The following HPX variants were observed in gnomAD, a reference collection of about 807,000 sequenced individuals.
The protein encoded by HPX is beta-1B-glycoprotein.
In HPX, 42 loss-of-function variants were observed where a neutral mutation model predicts 53.8. That is an observed-to-expected ratio of 0.78 (90% CI 0.61 to 1.01). The LOEUF (loss-of-function observed/expected upper bound fraction) is 1.01. Among genes scored for constraint, HPX ranks in the 50% least tolerant of loss-of-function variants. The pLI is 0.00. For missense variants in HPX, 547 were observed against 594.3 expected (o/e 0.92, Z 0.83); for synonymous variants, 229 against 221.1 (o/e 1.04, Z -0.32).
At chr11:6,435,111 A>C (rs1314631119) in intron 7 of HPX, among the ~76,000 whole-genome samples, 2 of 151,994 alleles carry the variant, frequency 1.3e-5, no homozygotes, top group East Asian at 1.9e-4. Flanking sequence ...TGTAACCCAA[A>C]AAAAAATACA....
At chr11:6,440,387 G>T (rs551457863) in intron 3 of HPX, 80 bp downstream of exon 3, 3 of 1,594,722 alleles carry the variant, frequency 1.9e-6, no homozygotes, top group Middle Eastern at 1.7e-4. Flanking sequence ...TAATTCCTAA[G>T]ACCTCCCACA....
At chr11:6,439,294 G>C (rs1849455734) in intron 4 of HPX, among the ~76,000 whole-genome samples, 1 of 152,164 alleles carries the variant, frequency 6.6e-6, no homozygotes, top group Non-Finnish European at 1.5e-5. Context: ...AGATAACCAA[G>C]GCCCAGATCA....
rs140581543 is a variant in HPX, at chr11:6,440,262, T to A, written c.239A>T (p.Lys80Ile). 10 of 1,613,776 alleles carry A rather than the reference T, an allele frequency of 6.2e-6. No homozygotes were observed. In the African/African-American group the frequency reaches 1.3e-4, roughly 22 times the overall value. Residue 80 changes from lysine (K) to isoleucine (I), a missense_variant, in exon 4 of 10, where the codon AAA becomes ATA. Coordinates refer to ENST00000265983, the MANE Select transcript of HPX (RefSeq NM_000613.3). ...CTCTGAGATTAACTCCCGGTCCCAT[T>A]TGTGACTCTTCCACACAAACTCCCC... ...FKGEFVWKSH[K>I]WDRELISERW... is the part of the protein sequence containing the mutation.
chr11:6,434,054 T>C (rs566790651), intron 7 of HPX, among the ~76,000 whole-genome samples: 1 of 152,352 alleles, frequency 6.6e-6, no homozygotes, highest in South Asian at 2.1e-4. Context: ...TCTTTCTTCC[T>C]TTCTCTTTCT....
intron 4 of HPX, chr11:6,439,881 G>T: frequency 2.3e-6 from 1 of 441,826 alleles, no homozygotes; most frequent in Non-Finnish European, 4.2e-6. Context: ...TGGAAGGCAA[G>T]GGAAGCAATT....
chr11:6,434,006 AT>A (rs1849383221), intron 7 of HPX, among the ~76,000 whole-genome samples: 1 of 152,222 alleles, frequency 6.6e-6, no homozygotes, highest in East Asian at 1.9e-4. Context: ...ATCCTGTCTT[AT>A]TTTCTTTACA....
At position 6,440,513 on chromosome 11, in the gene HPX, A is replaced by G. The variant is rs1849468006; in HGVS notation, c.168T>C (p.Phe56=). ...CATTGTCATCCAGGGTGGTAGCATC[A>G]AAGCTCCAGCCATCTGAGCAGCGTT... The part of the protein sequence containing the change: ...VTERCSDGWS[F]DATTLDDNGT... The change falls in exon 3 of 10, where the codon TTT becomes TTC. Residue 56 remains phenylalanine (F), a synonymous_variant. Transcript: ENST00000265983. 6.3e-7 allele frequency: 1 copy of G among 1,593,164 alleles called. No homozygotes were observed. Among genetic ancestry groups the G allele is most frequent in the Non-Finnish European group, 8.5e-7 (1 of 1,170,654 alleles).
At chr11:6,440,046 A>G (rs766798042) in intron 4 of HPX, 119 bp downstream of exon 4, 1 of 1,328,010 alleles carries the variant, frequency 7.5e-7, no homozygotes, top group South Asian at 1.2e-5. Context: ...AGGAGGGCAC[A>G]TGGGAAAGAA....
chr11:6,438,859 C>T (rs1849450841), intron 4 of HPX, among the ~76,000 whole-genome samples: 2 of 151,546 alleles, frequency 1.3e-5, no homozygotes, highest in African/African-American at 4.9e-5. Context: ...TTTATTCATT[C>T]ATTCATTCAT....
rs867698967 is a variant in HPX at position 6,440,592 on chromosome 11, A to G, written c.143-54T>C. ...TAAAAAAAAAAAAAAAAAAAAAAAA[A>G]AAAAAAAAAAACCAGAAGGTGATAA... On this transcript the variant is annotated intron_variant, in intron 2 of 9. Coordinates refer to ENST00000265983, the MANE Select transcript of HPX (RefSeq NM_000613.3). The G allele has an allele frequency of 5.7e-3, 6,675 of 1,163,712 alleles. 329 individuals are homozygous for G. The African/African-American group carries it at 0.11, about 19-fold the overall frequency. 72.1% of individuals were successfully genotyped at this position (1,163,712 alleles called of 1,614,324 possible). A position where few individuals can be genotyped will look rare whatever the true frequency, so the allele number is the denominator to read the frequency against.
chr11:6,436,828 T>A (rs1162009565), intron 7 of HPX, among the ~76,000 whole-genome samples: 1 of 152,060 alleles, frequency 6.6e-6, no homozygotes, highest in Non-Finnish European at 1.5e-5. Flanking sequence ...TGGGAGTAGA[T>A]GGTAGACAGG....
intron 7 of HPX, among the ~76,000 whole-genome samples, chr11:6,435,508 A>G (rs1021271682): frequency 5.9e-5 from 9 of 151,908 alleles, no homozygotes; most frequent in African/African-American, 2.2e-4. Flanking sequence ...TCTGTCACCC[A>G]GGCTGGAGTG....
chr11:6,437,206 CAGA>C (rs950866724), intron 6 of HPX, 29 bp from the exon 7 acceptor site: 3 of 1,603,122 alleles, frequency 1.9e-6, no homozygotes, highest in Non-Finnish European at 2.6e-6. Context: ...GAGGAGAACA[CAGA>C]AGGAGGCCAG....
Position 6,438,459 on chromosome 11 carries a change from T to A in HPX, c.387A>T (p.Pro129=). The change falls in exon 5 of 10, where the codon CCA becomes CCT. Residue 129 remains proline, a synonymous_variant. Transcript: ENST00000265983. Reference sequence around the variant, plus strand: ...CAGGAAATTCATCTTGGAGCAACTTTGGGTATCCTTTCTCCTTCTTTTCAG... The same window carrying A: ...CAGGAAATTCATCTTGGAGCAACTTAGGGTATCCTTTCTCCTTCTTTTCAG... ...YPPEKKEKGY[P]KLLQDEFPGI... The A allele has an allele frequency of 6.2e-7, 1 of 1,614,160 alleles. No individual in the cohort carries two copies. Among genetic ancestry groups the A allele is most frequent in the Non-Finnish European group, 8.5e-7 (1 of 1,179,960 alleles).
In HPX at chr11:6,431,207, C is replaced by G. The variant is rs763701265; in HGVS notation, c.*4G>C. ...GCCAGGCCAGACTCATGTCAGAAGG[C>G]CCCTCAGTGAGTGCAGCCCAGGAGA... is the stretch of plus-strand genomic sequence containing the variant. On this transcript the variant is annotated 3_prime_UTR_variant, in exon 10 of 10. Coordinates refer to ENST00000265983, the MANE Select transcript of HPX (RefSeq NM_000613.3). 3.1e-6 allele frequency: 5 copies of G among 1,613,978 alleles called. No homozygotes were observed. Among genetic ancestry groups the G allele is most frequent in the Non-Finnish European group, 4.2e-6 (5 of 1,179,978 alleles).
rs1032507657 is a variant in HPX, at chr11:6,438,435, AG to A, written c.410del (p.Pro137LeufsTer41). The A allele has an allele frequency of 1.2e-6, 2 of 1,613,986 alleles. No homozygotes were observed. The highest frequency in any genetic ancestry group is 2.7e-5 in the African/African-American group (2 of 74,928). ...CTGCATCCAGTGGGGATGGGATTCC[AG>A]GAAATTCATCTTGGAGCAACTTTGG... ...GYPKLLQDEFPGIPSPLDAAV... is the reference protein window; with the variant it reads ...GYPKLLQDEFXGIPSPLDAAV... On this transcript the variant is annotated frameshift_variant, in exon 5 of 10. Coordinates refer to ENST00000265983, the MANE Select transcript of HPX (RefSeq NM_000613.3). LOFTEE classifies it high-confidence loss of function.
At chr11:6,435,347 G>T (rs1251088290) in intron 7 of HPX, among the ~76,000 whole-genome samples, 2 of 152,088 alleles carry the variant, frequency 1.3e-5, no homozygotes, top group Admixed American at 6.5e-5. Flanking sequence ...GGGAGGGACT[G>T]CCCCATGCTG....
intron 7 of HPX, chr11:6,432,336 G>A (rs562193151): frequency 1.4e-5 from 5 of 347,556 alleles, no homozygotes; most frequent in East Asian, 6.0e-5. Context: ...ACAGAGATGC[G>A]GTTATAGATA....
chr11:6,437,931 G>A, intron 5 of HPX: 1 of 555,892 alleles, frequency 1.8e-6, no homozygotes, highest in Non-Finnish European at 3.2e-6. Context: ...CACAAGGAGA[G>A]ATGGAACCCC....
Sources: gnomAD v4.1 joint callset for allele counts (sites outside exome capture counted in the v4.1 genomes callset) on GRCh38, gnomAD v4.1.1 for gene constraint, MANE v1.5 for transcripts, NCBI Gene and HGNC (gene_info 2026-07-23, HGNC 2026-07-21) for gene names.